Variants in DIAPH1 observed in about 807,000 individuals in gnomAD.
The protein encoded by DIAPH1 is diaphanous related formin 1.
In DIAPH1, 46 loss-of-function variants were observed where a neutral mutation model predicts 140.7. That is an observed-to-expected ratio of 0.33 (90% CI 0.26 to 0.42). The LOEUF is 0.42. Ranked by LOEUF, DIAPH1 falls within the 10% of genes least tolerant of loss-of-function variation. The pLI, the probability that DIAPH1 is intolerant of heterozygous loss-of-function variation, is 1.00. For missense variants in DIAPH1, 1,310 were observed against 1,558.7 expected, an observed-to-expected ratio of 0.84 and a Z score of 2.69; for synonymous variants, 565 against 551.6, an observed-to-expected ratio of 1.02 and a Z score of -0.34.
Position 141,602,265 on chromosome 5 carries a change from G to A in DIAPH1, c.118-14015C>T, listed in dbSNP as rs139260914. ...GAAGTCTCACTCTGTTGCCTATGCT[G>A]GAGTGCAGTGGCGCAATCTTGGCTC... On this transcript the variant is annotated intron_variant, in intron 1 of 27. Transcript: ENST00000389054. Among the ~76,000 whole-genome samples, 583 of 152,124 alleles carry A rather than the reference G, an allele frequency of 3.8e-3. 5 individuals are homozygous for A. The highest frequency in any genetic ancestry group is 0.011 in the Admixed American group (168 of 15,292).
rs139189086 is a variant in DIAPH1 at position 141,533,678 on chromosome 5, C to T, written c.2581+657G>A. ...CCTGGGCAACATAGCGAGACCCCTT[C>T]TCTATTTATTTAATAAAAAAGCAAA... On this transcript the variant is annotated intron_variant, in intron 19 of 27. Coordinates refer to ENST00000389054, the MANE Select transcript of DIAPH1 (RefSeq NM_005219.5). 8.3e-3 allele frequency among the ~76,000 whole-genome samples: 1,266 copies of T among 152,234 alleles called. 11 individuals are homozygous for T. The highest frequency in any genetic ancestry group is 0.024 in the Middle Eastern group (7 of 294).
intron 6 of DIAPH1, among the ~76,000 whole-genome samples, chr5:141,582,723 G>A (rs1021882650): frequency 6.6e-6 from 1 of 152,124 alleles, no homozygotes; most frequent in Non-Finnish European, 1.5e-5. Context: ...GATATATGTA[G>A]GTCTTGGCCA....
intron 18 of DIAPH1, among the ~76,000 whole-genome samples, chr5:141,547,477 A>G (rs2099890985): frequency 6.6e-6 from 1 of 152,090 alleles, no homozygotes; most frequent in African/African-American, 2.4e-5. Context: ...AAATAAATAA[A>G]AATAAAAAAT....
chr5:141,560,625 C>A, intron 18 of DIAPH1: 1 of 178,774 alleles, frequency 5.6e-6, no homozygotes, highest in Admixed American at 5.8e-5. Flanking sequence ...GGCAAAGTAC[C>A]TTCATCTTTT....
rs371994484 is a variant in DIAPH1 at position 141,584,183 on chromosome 5, C to T, written c.343G>A (p.Glu115Lys). 7.4e-5 allele frequency: 119 copies of T among 1,613,576 alleles called. 1 individual carries two copies. The highest frequency in any genetic ancestry group is 4.9e-4 in the African/African-American group (37 of 75,008). ...LNEEKQQPLR[E>K]KDIIIKREMV... ...TCCCTCTTGATGATGATGTCCTTCTCCCTCAAAGGTTGCTGTTTCTCCTCA... is the reference window on the plus strand; with the variant it reads ...TCCCTCTTGATGATGATGTCCTTCTTCCTCAAAGGTTGCTGTTTCTCCTCA... The change falls in exon 4 of 28, where the codon GAG becomes AAG. Residue 115 changes from glutamate to lysine, a missense_variant. This residue lies in a region of DIAPH1 where 377 missense variants were observed against 497.1 expected (regional missense o/e 0.76). Coordinates refer to ENST00000389054, the MANE Select transcript of DIAPH1 (RefSeq NM_005219.5).
chr5:141,616,650 A>G (rs548516620), intron 1 of DIAPH1, among the ~76,000 whole-genome samples: 23 of 152,226 alleles, frequency 1.5e-4, no homozygotes, highest in Non-Finnish European at 2.8e-4. Flanking sequence ...GAATATTCTG[A>G]TGCCTTGAGA....
At chr5:141,618,723 G>A in intron 1 of DIAPH1, 75 bp downstream of exon 1, 1 of 1,098,766 alleles carries the variant, frequency 9.1e-7, no homozygotes, top group Non-Finnish European at 1.3e-6. Context: ...CCGGGCAGGC[G>A]CCCCAGGGGC....
chr5:141,569,021 C>CT (rs918519234), intron 18 of DIAPH1, among the ~76,000 whole-genome samples: 20 of 151,992 alleles, frequency 1.3e-4, no homozygotes, highest in African/African-American at 4.8e-4. Flanking sequence ...ATCTCACTTA[C>CT]TTTTTTTAAT....
At position 141,565,640 on chromosome 5, in the gene DIAPH1, C is replaced by A. The variant is rs1284936208; in HGVS notation, c.2482+5788G>T. Among the ~76,000 whole-genome samples, 3 of 152,024 alleles carry A rather than the reference C, an allele frequency of 2.0e-5. No individual in the cohort carries two copies. The highest frequency in any genetic ancestry group is 7.2e-5 in the African/African-American group (3 of 41,400). On this transcript the variant is annotated intron_variant, in intron 18 of 27. Transcript: ENST00000389054. The surrounding 1 kb of genome is among the most constrained non-coding windows in gnomAD (Gnocchi z 4.3). ...TGAAGTAGAAAGAAAACATCCCCAA[C>A]TGAGAATGAGGATGAGGGAGGTTTG...
At chr5:141,558,709 C>G (rs1398707627) in intron 18 of DIAPH1, among the ~76,000 whole-genome samples, 1 of 152,118 alleles carries the variant, frequency 6.6e-6, no homozygotes, top group Admixed American at 6.5e-5. Flanking sequence ...CTACACCTCC[C>G]TTGAGTAAGC....
At chr5:141,571,237 A>G (rs576067288) in intron 18 of DIAPH1, among the ~76,000 whole-genome samples, 191 bp downstream of exon 18, 2 of 152,334 alleles carry the variant, frequency 1.3e-5, no homozygotes, top group Admixed American at 6.5e-5. Context: ...TTTCCTCCCT[A>G]TTAGTTAATG....
intron 1 of DIAPH1, among the ~76,000 whole-genome samples, chr5:141,596,206 G>A (rs181411480): frequency 1.1e-3 from 168 of 152,126 alleles, no homozygotes; most frequent in Admixed American, 4.1e-3. Context: ...GGTGGCACGC[G>A]TCTGTAGTGC....
At chr5:141,603,633 A>T (rs1194831397) in intron 1 of DIAPH1, among the ~76,000 whole-genome samples, 3 of 152,222 alleles carry the variant, frequency 2.0e-5, no homozygotes, top group Non-Finnish European at 4.4e-5. Context: ...TTTGCTTATA[A>T]ATTTGAAATA....
At chr5:141,615,973 C>A (rs2099902625) in intron 1 of DIAPH1, among the ~76,000 whole-genome samples, 1 of 152,078 alleles carries the variant, frequency 6.6e-6, no homozygotes. Context: ...GTCAGAAAAC[C>A]CTCTGTTCAC....
intron 5 of DIAPH1, 90 bp from the exon 6 acceptor site, chr5:141,583,382 A>G: frequency 1.2e-6 from 2 of 1,606,412 alleles, no homozygotes; most frequent in East Asian, 2.2e-5. Context: ...ACTACTCCCA[A>G]TTCAGACTAT....
intron 18 of DIAPH1, among the ~76,000 whole-genome samples, chr5:141,560,225 CCT>C (rs2099893307): frequency 6.6e-6 from 1 of 152,004 alleles, no homozygotes; most frequent in Non-Finnish European, 1.5e-5. Flanking sequence ...CATTTTTTCC[CCT>C]GAAATTTATT....
chr5:141,594,886 C>T (rs1487544093), intron 1 of DIAPH1, among the ~76,000 whole-genome samples: 1 of 150,638 alleles, frequency 6.6e-6, no homozygotes, highest in African/African-American at 2.4e-5. Flanking sequence ...AATAACAATA[C>T]AAAAATTAGC....
At chr5:141,584,350 T>C in intron 3 of DIAPH1, 125 bp from the exon 4 acceptor site, 1 of 666,602 alleles carries the variant, frequency 1.5e-6, no homozygotes, top group Non-Finnish European at 2.7e-6. Context: ...AATAAATCTT[T>C]TTGATCCCTA....
At chr5:141,605,316 T>C (rs562462174) in intron 1 of DIAPH1, among the ~76,000 whole-genome samples, 2 of 152,138 alleles carry the variant, frequency 1.3e-5, no homozygotes, top group Admixed American at 6.5e-5. Context: ...GTAAAAATAT[T>C]TGTGCATAGA....
Sources: gnomAD v4.1 joint callset for allele counts (sites outside exome capture counted in the v4.1 genomes callset) on GRCh38, gnomAD v4.1.1 for gene constraint, gnomAD v4.1.1 regional missense constraint, Gnocchi (gnomAD v3.1) non-coding constraint, MANE v1.5 for transcripts, NCBI Gene and HGNC (gene_info 2026-07-23, HGNC 2026-07-21) for gene names.